Variants in DLG5 observed in about 807,000 individuals in gnomAD.
The protein encoded by DLG5 is disks large homolog 5.
Under a neutral mutation model 189.8 loss-of-function variants are expected in DLG5, and 48 were observed. The ratio of observed to expected loss-of-function variants is 0.25; its 90% CI spans 0.20 to 0.32. DLG5 has a LOEUF of 0.32. DLG5 is among the 10% of genes least tolerant of loss of function. The probability of loss-of-function intolerance (pLI) is 1.00; values close to 1 mark genes in which losing one functional copy is unlikely to be tolerated. For synonymous variants in DLG5, 1,016 were observed against 1,054.1 expected (o/e 0.96, Z 0.70); for missense variants, 2,160 against 2,544.7 (o/e 0.85, Z 3.25).
In DLG5 at chr10:77,843,551, C is replaced by A; in HGVS notation, c.1020G>T (p.Gln340His). The change falls in exon 6 of 32, where the codon CAG (glutamine) becomes CAT (histidine). Residue 340 changes from glutamine (Q) to histidine (H), a missense_variant. By Grantham distance (24) the Gln-to-His change is conservative (BLOSUM62 0). Transcript: ENST00000372391. ...GCAACCGCTGGTTCTCCTCCCCCAG[C>A]TGCTCCAGGCGGCTCAGGTCTGCAT... ...IHNADLSRLE[Q>H]LGEENQRLLK... The A allele has an allele frequency of 1.2e-6, 2 of 1,614,226 alleles. No individual in the cohort carries two copies. Among genetic ancestry groups the A allele is most frequent in the Non-Finnish European group, 1.7e-6 (2 of 1,180,038 alleles).
chr10:77,907,183 G>C (rs995867173), intron 1 of DLG5, among the ~76,000 whole-genome samples: 2 of 152,198 alleles, frequency 1.3e-5, no homozygotes, highest in African/African-American at 4.8e-5. Flanking sequence ...GTTGGGGGTA[G>C]AGTAGGGAGA....
At position 77,869,200 on chromosome 10, in the gene DLG5, G is replaced by A. The variant is rs778356279; in HGVS notation, c.305-3C>T. ...GGACAGGACGCTGTAGGTAGAACCT[G>A]GGGAAAGAGGGGAGACCATGTTACT... On this transcript the variant is annotated splice_region_variant and splice_polypyrimidine_tract_variant and intron_variant, in intron 1 of 31. Transcript: ENST00000372391. The A allele has an allele frequency of 1.9e-6, 3 of 1,613,464 alleles. No individual in the cohort carries two copies. Among genetic ancestry groups the A allele is most frequent in the Non-Finnish European group, 2.5e-6 (3 of 1,179,722 alleles).
intron 1 of DLG5, among the ~76,000 whole-genome samples, chr10:77,880,398 G>C (rs1845241906): frequency 6.6e-6 from 1 of 152,204 alleles, no homozygotes; most frequent in Non-Finnish European, 1.5e-5. Context: ...AGGTTGCAGT[G>C]AGCTGAGATT....
At chr10:77,858,993 C>G (rs1262934418) in intron 2 of DLG5, among the ~76,000 whole-genome samples, 1 of 152,112 alleles carries the variant, frequency 6.6e-6, no homozygotes, top group East Asian at 1.9e-4. Context: ...TCACCTCGGC[C>G]TCCTAAGTAG....
At chr10:77,853,850 C>T (rs1325914110) in intron 4 of DLG5, among the ~76,000 whole-genome samples, 4 of 152,148 alleles carry the variant, frequency 2.6e-5, no homozygotes, top group African/African-American at 7.2e-5. Flanking sequence ...AGCAGGTGGG[C>T]AGGCAAAGAC....
At chr10:77,838,885 A>G (rs1371998816) in intron 7 of DLG5, among the ~76,000 whole-genome samples, 1 of 152,202 alleles carries the variant, frequency 6.6e-6, no homozygotes, top group Non-Finnish European at 1.5e-5. Flanking sequence ...CTTGAGAAGG[A>G]GCTGAGGATT....
chr10:77,796,112 G>A lies in DLG5; in HGVS notation c.5385C>T (p.Ser1795=), dbSNP rs776480882. ...CCACAGTGGTCACATCGAAATGGCC[G>A]CTTCTCCGCTTATAGTCGACAAACA... The part of the protein sequence containing the change: ...DCLFVDYKRR[S]GHFDVTTVAS... The change falls in exon 29 of 32, where the codon AGC becomes AGT. Residue 1795 remains serine, a synonymous_variant. Transcript: ENST00000372391. This position sits in a 1 kb window ranked among gnomAD's most constrained non-coding sequence, Gnocchi z 5.2. The A allele has an allele frequency of 8.1e-6, 13 of 1,614,078 alleles. No individual in the cohort carries two copies. Among genetic ancestry groups the A allele is most frequent in the Admixed American group, 1.7e-5 (1 of 60,010 alleles).
chr10:77,939,732 C>G, the DLG5 span, among the ~76,000 whole-genome samples: 1 of 152,198 alleles, frequency 6.6e-6, no homozygotes, highest in Non-Finnish European at 1.5e-5. Flanking sequence ...CACTTTCCAG[C>G]TGGGAGCCAT....
intron 30 of DLG5, 79 bp from the exon 31 acceptor site, chr10:77,794,196 G>C: frequency 1.5e-6 from 2 of 1,370,308 alleles, no homozygotes; most frequent in Non-Finnish European, 2.1e-6. Flanking sequence ...AGGCTAACAG[G>C]GGCCCCATCA....
At chr10:77,845,669 G>GGAGGGAGA (rs1450606181) in intron 5 of DLG5, among the ~76,000 whole-genome samples, 1 of 151,492 alleles carries the variant, frequency 6.6e-6, no homozygotes, top group Non-Finnish European at 1.5e-5. Flanking sequence ...GGGAAAGGAG[G>GGAGGGAGA]GAGGGAGAGA....
rs1297927876 is a variant in DLG5, at chr10:77,824,504, CCA to C, written c.2290-30_2290-29del. 3.1e-6 allele frequency: 5 copies of C among 1,591,358 alleles called. No homozygotes were observed. In the African/African-American group the frequency reaches 6.7e-5, roughly 21 times the overall value. ...AGAGCAGGACAGAGAGCATGTCAGG[CCA>C]CAGGCAGAGCGGCCTCAGGCCTACC... On this transcript the variant is annotated intron_variant, in intron 13 of 31. Coordinates refer to ENST00000372391, the MANE Select transcript of DLG5 (RefSeq NM_004747.4).
chr10:77,805,586 A>G, intron 27 of DLG5, 79 bp downstream of exon 27: 2 of 1,452,958 alleles, frequency 1.4e-6, no homozygotes, highest in South Asian at 2.7e-5. Flanking sequence ...TCTTTTGTTT[A>G]AGTCCCTGTT....
chr10:77,842,228 GGGGCCCTGCCCGGTCA>G, intron 6 of DLG5, 35 bp from the exon 7 acceptor site: 1 of 1,583,642 alleles, frequency 6.3e-7, no homozygotes, highest in Non-Finnish European at 8.5e-7. Context: ...GGGAAGGGCG[GGGGCCCTGCCCGGTCA>G]GTGGCCGGCT....
At chr10:77,931,513 G>A (rs888678525), upstream of DLG5, among the ~76,000 whole-genome samples, 12 of 151,810 alleles carry the variant, frequency 7.9e-5, no homozygotes, top group Non-Finnish European at 8.8e-5. Flanking sequence ...GCCTCCCAAC[G>A]TGCTGGGATT....
intron 4 of DLG5, among the ~76,000 whole-genome samples, chr10:77,853,794 T>C (rs1035270491): frequency 1.3e-5 from 2 of 152,218 alleles, no homozygotes; most frequent in African/African-American, 4.8e-5. Context: ...CAGGCCCCTC[T>C]GGTACAGACC....
intron 1 of DLG5, among the ~76,000 whole-genome samples, chr10:77,909,566 C>T (rs1326775965): frequency 2.6e-5 from 4 of 152,018 alleles, no homozygotes; most frequent in African/African-American, 9.7e-5. Context: ...CACAACTTCC[C>T]ACAGAAACAA....
intron 1 of DLG5, among the ~76,000 whole-genome samples, chr10:77,888,752 T>A (rs1845519847): frequency 6.6e-6 from 1 of 152,192 alleles, no homozygotes; most frequent in Non-Finnish European, 1.5e-5. Flanking sequence ...CGTTAATATG[T>A]ACATGTTCCT....
At chr10:77,899,141 C>T (rs985921802) in intron 1 of DLG5, among the ~76,000 whole-genome samples, 1 of 152,208 alleles carries the variant, frequency 6.6e-6, no homozygotes, top group East Asian at 1.9e-4. Context: ...AGCATGTAAC[C>T]TATCTCCCTA....
At chr10:77,856,996 C>T (rs1194664249) in intron 2 of DLG5, 104 bp from the exon 3 acceptor site, 1 of 1,068,286 alleles carries the variant, frequency 9.4e-7, no homozygotes, top group Non-Finnish European at 1.3e-6. Context: ...CGTGACCCAA[C>T]AAGTGGGTCC....
Sources: gnomAD v4.1 joint callset for allele counts (sites outside exome capture counted in the v4.1 genomes callset) on GRCh38, gnomAD v4.1.1 for gene constraint, Gnocchi (gnomAD v3.1) non-coding constraint, MANE v1.5 for transcripts, NCBI Gene and HGNC (gene_info 2026-07-23, HGNC 2026-07-21) for gene names.